The following EYA2 variants were observed in gnomAD, a reference collection of about 807,000 sequenced individuals.
EYA2 encodes the protein protein phosphatase EYA2.
In EYA2, 31 loss-of-function variants were observed where a neutral mutation model predicts 69.2. The observed-to-expected ratio is 0.45, with a 90% CI of 0.34 to 0.60. The LOEUF is 0.60. EYA2 is among the 20% of genes least tolerant of loss of function. EYA2 has a pLI of 0.02. For missense variants in EYA2, 622 were observed against 701.2 expected, an observed-to-expected ratio of 0.89 and a Z score of 1.28; for synonymous variants, 257 against 279.4, an observed-to-expected ratio of 0.92 and a Z score of 0.80.
chr20:46,960,689 A>G (rs541616695), intron 1 of EYA2, among the ~76,000 whole-genome samples: 11 of 152,282 alleles, frequency 7.2e-5, no homozygotes, highest in Non-Finnish European at 8.8e-5. Context: ...CATCCCATTC[A>G]TTTATATGCA....
intron 1 of EYA2, among the ~76,000 whole-genome samples, chr20:46,976,325 CACA>C (rs1380753104): frequency 1.3e-5 from 2 of 152,186 alleles, no homozygotes; most frequent in Non-Finnish European, 2.9e-5. Flanking sequence ...TGCTAGGCAA[CACA>C]ACAAGGCCCT....
rs115373900 is a variant in EYA2, at chr20:47,151,097, A to G, written c.978+7949A>G. 2.9e-3 allele frequency among the ~76,000 whole-genome samples: 443 copies of G among 152,122 alleles called. 3 individuals carry two copies. Among genetic ancestry groups the G allele is most frequent in the African/African-American group, 0.01 (418 of 41,588 alleles). ...CTTAAAACTCTTCAGTAGGCTGGGC[A>G]CAGTTGTTTGCGCCTGTAATCCCAG... On this transcript the variant is annotated intron_variant, in intron 10 of 15. Transcript: ENST00000327619.
intron 1 of EYA2, among the ~76,000 whole-genome samples, chr20:46,928,938 A>G (rs1412411793): frequency 2.6e-5 from 4 of 152,160 alleles, no homozygotes; most frequent in Admixed American, 6.5e-5. Flanking sequence ...ACAAGAGCAC[A>G]TTGTGTTCTG....
chr20:47,065,451 A>G (rs568171213), intron 5 of EYA2, among the ~76,000 whole-genome samples: 12 of 152,322 alleles, frequency 7.9e-5, no homozygotes, highest in African/African-American at 2.9e-4. Flanking sequence ...AAACAGATAT[A>G]CAGTCTAACT....
At chr20:47,051,966 T>G (rs1329840665) in intron 5 of EYA2, among the ~76,000 whole-genome samples, 1 of 152,230 alleles carries the variant, frequency 6.6e-6, no homozygotes, top group African/African-American at 2.4e-5. Flanking sequence ...CTCATTCACT[T>G]TTTTCATTCA....
intron 5 of EYA2, among the ~76,000 whole-genome samples, chr20:47,046,410 C>G (rs898793950): frequency 6.6e-6 from 1 of 152,138 alleles, no homozygotes; most frequent in African/African-American, 2.4e-5. Flanking sequence ...CTCTACCACT[C>G]ATGGCTAGTG....
intron 1 of EYA2, among the ~76,000 whole-genome samples, chr20:46,903,020 C>G (rs1443551296): frequency 6.6e-6 from 1 of 152,200 alleles, no homozygotes; most frequent in African/African-American, 2.4e-5. Flanking sequence ...TTATCAGGTG[C>G]CTCCAATGTG....
intron 11 of EYA2, 28 bp downstream of exon 11, chr20:47,169,225 CATTGATTG>C: frequency 5.6e-6 from 9 of 1,600,960 alleles, no homozygotes; most frequent in Non-Finnish European, 6.8e-6. Context: ...CAAAAATGCC[CATTGATTG>C]ATTGATTGAT....
At chr20:47,006,854 C>T (rs1353410045) in intron 4 of EYA2, among the ~76,000 whole-genome samples, 1 of 152,186 alleles carries the variant, frequency 6.6e-6, no homozygotes, top group Non-Finnish European at 1.5e-5. Context: ...GCCCACGTTA[C>T]TCCCTTGAAT....
intron 5 of EYA2, 148 bp from the exon 6 acceptor site, chr20:47,072,037 G>A (rs2031331454): frequency 1.4e-6 from 1 of 725,598 alleles, no homozygotes. Flanking sequence ...GAACGCTGGT[G>A]TGAGGCATTA....
intron 9 of EYA2, among the ~76,000 whole-genome samples, chr20:47,121,382 C>T (rs1408015547): frequency 1.3e-5 from 2 of 152,244 alleles, no homozygotes; most frequent in Admixed American, 6.5e-5. Flanking sequence ...CATGAGCCAC[C>T]GTGCCCCGCC....
At chr20:47,072,600 C>T (rs1332631045) in intron 6 of EYA2, among the ~76,000 whole-genome samples, 2 of 152,076 alleles carry the variant, frequency 1.3e-5, no homozygotes, top group East Asian at 1.9e-4. Flanking sequence ...CAAGGGGGAC[C>T]GTATATCTTG....
chr20:47,107,525 CAA>C (rs111607473), intron 9 of EYA2, among the ~76,000 whole-genome samples: 40 of 125,222 alleles, frequency 3.2e-4, no homozygotes, highest in South Asian at 5.3e-4. Context: ...GACTCTGTAT[CAA>C]AAAAAAAAAA....
intron 1 of EYA2, among the ~76,000 whole-genome samples, chr20:46,952,455 G>C (rs2097893023): frequency 6.6e-6 from 1 of 152,184 alleles, no homozygotes; most frequent in African/African-American, 2.4e-5. Flanking sequence ...TGAATCAATA[G>C]CTTTGGCCGT....
intron 15 of EYA2, among the ~76,000 whole-genome samples, chr20:47,185,890 C>T (rs561058474): frequency 1.8e-4 from 27 of 152,174 alleles, no homozygotes; most frequent in African/African-American, 5.8e-4. Context: ...ATTCCTTCTA[C>T]GAATATTTCT....
chr20:47,057,770 G>A (rs2030704062), intron 5 of EYA2, among the ~76,000 whole-genome samples: 1 of 152,114 alleles, frequency 6.6e-6, no homozygotes, highest in African/African-American at 2.4e-5. Flanking sequence ...CAGATCCATG[G>A]GTGACCATGA....
chr20:47,154,736 G>A (rs1166320355), intron 10 of EYA2, among the ~76,000 whole-genome samples: 1 of 151,992 alleles, frequency 6.6e-6, no homozygotes, highest in Non-Finnish European at 1.5e-5. Context: ...ACCAGGAGGA[G>A]GAGGAAGTCC....
chr20:46,999,757 T>C (rs1982242618), intron 2 of EYA2, among the ~76,000 whole-genome samples: 1 of 152,232 alleles, frequency 6.6e-6, no homozygotes, highest in Non-Finnish European at 1.5e-5. Flanking sequence ...GACCTTGGAC[T>C]CACACAGCTT....
chr20:47,078,320 C>CGT (rs1170721746), intron 7 of EYA2, among the ~76,000 whole-genome samples: 8 of 143,890 alleles, frequency 5.6e-5, no homozygotes, highest in African/African-American at 8.4e-5. Flanking sequence ...TGTGCACGTG[C>CGT]GCGCGCGCGC....
Sources: allele counts gnomAD v4.1 joint callset (sites outside exome capture counted in the v4.1 genomes callset), GRCh38; gene constraint gnomAD v4.1.1; transcripts MANE v1.5; gene names NCBI Gene and HGNC (gene_info 2026-07-23, HGNC 2026-07-21).